P3H2: variants seen among roughly 807,000 people sequenced by gnomAD.
P3H2 encodes the protein leprecan-like 1.
Under a neutral mutation model 87.0 loss-of-function variants are expected in P3H2, and 80 were observed. The ratio of observed to expected loss-of-function variants is 0.92; its 90% CI spans 0.77 to 1.11. P3H2 has a LOEUF of 1.11. P3H2 is among the 50% of genes least tolerant of loss of function. The probability of loss-of-function intolerance (pLI) is 0.00; values close to 1 mark genes in which losing one functional copy is unlikely to be tolerated. For synonymous variants in P3H2, 367 were observed against 359.3 expected (o/e 1.02, Z -0.24); for missense variants, 1,001 against 923.9 (o/e 1.08, Z -1.08).
upstream of P3H2, chr3:190,121,441 T>G (rs1712588620): frequency 6.6e-6 from 1 of 152,118 alleles, no homozygotes; most frequent in African/African-American, 2.4e-5. Flanking sequence ...TTTGCCTAAA[T>G]GCATAGAGCT....
chr3:189,959,878 G>A (rs1301971222), intron 14 of P3H2, among the ~76,000 whole-genome samples: 6 of 87,614 alleles, frequency 6.8e-5, no homozygotes, highest in Admixed American at 3.0e-4. Flanking sequence ...GTGTGTGTGT[G>A]TGTGTGTGTG....
At chr3:189,961,829 AACTT>A (rs1376699746) in intron 14 of P3H2, among the ~76,000 whole-genome samples, 3 of 152,232 alleles carry the variant, frequency 2.0e-5, no homozygotes, top group African/African-American at 4.8e-5. Context: ...GAGCAAAGAG[AACTT>A]ACTTTGTGTT....
intron 1 of P3H2, among the ~76,000 whole-genome samples, chr3:190,059,103 G>A (rs1726257160): frequency 6.6e-6 from 1 of 152,130 alleles, no homozygotes; most frequent in Non-Finnish European, 1.5e-5. Context: ...GACTCAGACA[G>A]GCAGTCCCTG....
At chr3:190,115,604 G>T (rs1323059690) in intron 1 of P3H2, among the ~76,000 whole-genome samples, 4 of 152,154 alleles carry the variant, frequency 2.6e-5, no homozygotes, top group Non-Finnish European at 4.4e-5. Flanking sequence ...AAGAAAAAGT[G>T]GGGTGGGAAA....
chr3:190,112,191 A>G (rs838691), intron 1 of P3H2, among the ~76,000 whole-genome samples: 46,244 of 152,056 alleles, frequency 0.3, 7,315 homozygotes, highest in African/African-American at 0.39. Flanking sequence ...GAGGGAGTCT[A>G]GGTTCCTGGA....
At chr3:190,000,770 G>C (rs1724186177) in intron 1 of P3H2, among the ~76,000 whole-genome samples, 1 of 152,210 alleles carries the variant, frequency 6.6e-6, no homozygotes, top group Admixed American at 6.5e-5. Context: ...TTAGAAGTTA[G>C]AGAAGGACGG....
At chr3:189,981,328 T>C (rs1345293717) in intron 8 of P3H2, among the ~76,000 whole-genome samples, 2 of 152,180 alleles carry the variant, frequency 1.3e-5, no homozygotes, top group Admixed American at 6.5e-5. Flanking sequence ...CTGTGGGATC[T>C]GACACTATTT....
At chr3:190,033,040 G>A (rs754864948) in intron 1 of P3H2, among the ~76,000 whole-genome samples, 1 of 152,188 alleles carries the variant, frequency 6.6e-6, no homozygotes, top group African/African-American at 2.4e-5. Context: ...GACAGTGACA[G>A]ATCCTCAGGC....
At chr3:190,067,762 TTTATTC>T (rs1240305253) in intron 1 of P3H2, among the ~76,000 whole-genome samples, 1 of 152,204 alleles carries the variant, frequency 6.6e-6, no homozygotes, top group East Asian at 1.9e-4. Flanking sequence ...GAATATTTTC[TTTATTC>T]TTAAGTATAC....
chr3:189,993,907 G>A (rs1352299982), intron 3 of P3H2, among the ~76,000 whole-genome samples, 187 bp downstream of exon 3: 1 of 152,092 alleles, frequency 6.6e-6, no homozygotes, highest in Non-Finnish European at 1.5e-5. Flanking sequence ...ACCTGAAAAA[G>A]TTTGGGAAGA....
chr3:189,975,384 T>C (rs1388264729), intron 8 of P3H2, among the ~76,000 whole-genome samples: 1 of 152,164 alleles, frequency 6.6e-6, no homozygotes, highest in Non-Finnish European at 1.5e-5. Flanking sequence ...ACATTTTAGG[T>C]TGTGAAATTA....
intron 1 of P3H2, among the ~76,000 whole-genome samples, chr3:190,002,193 C>G (rs1577265471): frequency 6.6e-6 from 1 of 151,912 alleles, no homozygotes; most frequent in East Asian, 1.9e-4. Context: ...GTAAAAAGAT[C>G]CATATTTGAA....
In P3H2 at chr3:190,120,434, CG is replaced by C. The variant is rs875989838; in HGVS notation, c.297del (p.Gly100AlafsTer104). On this transcript the variant is annotated frameshift_variant, in exon 1 of 15. Coordinates refer to ENST00000319332, the MANE Select transcript of P3H2 (RefSeq NM_018192.4). LOFTEE classifies it high-confidence loss of function. ...AARHPLPPPP[P>X]GEGPGAELPL... ...GGCAGCTCAGCGCCGGGGCCCTCGC[CG>C]GGGGGCGGGGGCGGGAGCGGGTGGC... 5.0e-6 allele frequency: 7 copies of C among 1,409,170 alleles called. No individual in the cohort carries two copies. The highest frequency in any genetic ancestry group is 1.5e-5 in the African/African-American group (1 of 66,326). 87.3% of individuals were successfully genotyped at this position (1,409,170 alleles called of 1,614,324 possible).
chr3:190,100,347 A>C (rs1311550926), intron 1 of P3H2, among the ~76,000 whole-genome samples: 1 of 146,750 alleles, frequency 6.8e-6, no homozygotes, highest in East Asian at 2.0e-4. Flanking sequence ...ACCTAAGCTT[A>C]TTATCTTAAT....
chr3:189,994,269 T>G lies in P3H2; in HGVS notation c.648A>C (p.Ala216=), dbSNP rs1353998200. Residue 216 remains alanine (A), a synonymous_variant, in exon 3 of 15, where the codon GCA becomes GCC. Transcript: ENST00000319332. ...EAKPHMESYN[A]GVKHYEADDF... is the part of the protein sequence containing the mutation. ...CATCAGCCTCATAATGTTTAACTCCTGCATTGTAACTCTCCTGTAATGAAA... is the reference window on the plus strand; with the variant it reads ...CATCAGCCTCATAATGTTTAACTCCGGCATTGTAACTCTCCTGTAATGAAA... 1 of 1,611,602 alleles carries G rather than the reference T, an allele frequency of 6.2e-7. No homozygotes were observed. Among genetic ancestry groups the G allele is most frequent in the Non-Finnish European group, 8.5e-7 (1 of 1,178,122 alleles).
chr3:190,112,799 T>C lies in P3H2; in HGVS notation c.480+7453A>G, dbSNP rs1712124025. On this transcript the variant is annotated intron_variant, in intron 1 of 14. Coordinates refer to ENST00000319332, the MANE Select transcript of P3H2 (RefSeq NM_018192.4). ...GAAGGCTGACACCAAATTTTTTTTT[T>C]AGAGATATGTGTAGGCCATTTGGCA... Among the ~76,000 whole-genome samples, 3 of 151,326 alleles carry C rather than the reference T, an allele frequency of 2.0e-5. No homozygotes were observed. The South Asian group carries it at 6.3e-4, about 32-fold the overall frequency.
intron 1 of P3H2, among the ~76,000 whole-genome samples, chr3:190,012,733 G>A (rs1052298124): frequency 5.9e-5 from 9 of 151,996 alleles, no homozygotes; most frequent in Non-Finnish European, 1.3e-4. Flanking sequence ...ACTTCCCCTC[G>A]TGGTGCCTCT....
chr3:189,999,944 T>C (rs1312633474), intron 1 of P3H2, among the ~76,000 whole-genome samples: 5 of 152,136 alleles, frequency 3.3e-5, no homozygotes, highest in Admixed American at 6.5e-5. Flanking sequence ...GAAATGAACA[T>C]TGACTAAATC....
chr3:190,057,777 C>A (rs868383782), intron 1 of P3H2, among the ~76,000 whole-genome samples: 1 of 152,028 alleles, frequency 6.6e-6, no homozygotes, highest in African/African-American at 2.4e-5. Context: ...ATTTTTCCAT[C>A]GAAACATGGG....
Sources: gnomAD v4.1 joint callset for allele counts (sites outside exome capture counted in the v4.1 genomes callset) on GRCh38, gnomAD v4.1.1 for gene constraint, MANE v1.5 for transcripts, NCBI Gene and HGNC (gene_info 2026-07-23, HGNC 2026-07-21) for gene names.